Variants in PRKACB observed in about 807,000 individuals in gnomAD.
PRKACB encodes the protein protein kinase cAMP-activated catalytic subunit beta.
In PRKACB, 16 loss-of-function variants were observed where a neutral mutation model predicts 51.4. That is an observed-to-expected ratio of 0.31 (90% CI 0.21 to 0.47). The LOEUF (loss-of-function observed/expected upper bound fraction) is 0.47, where lower values mean the gene tolerates loss of function less well. Ranked by LOEUF, PRKACB falls within the 20% of genes least tolerant of loss-of-function variation. The probability of loss-of-function intolerance (pLI) is 1.00; values close to 1 mark genes in which losing one functional copy is unlikely to be tolerated. For synonymous variants in PRKACB, 147 were observed against 154.4 expected, an observed-to-expected ratio of 0.95 and a Z score of 0.35; for missense variants, 309 against 464.5, an observed-to-expected ratio of 0.67 and a Z score of 3.08.
At chr1:84,127,520 TTTAA>T (rs1485678565) in intron 1 of PRKACB, among the ~76,000 whole-genome samples, 1 of 152,218 alleles carries the variant, frequency 6.6e-6, no homozygotes, top group African/African-American at 2.4e-5. Context: ...TTACTAATAG[TTTAA>T]TTAGGTAAAC....
At chr1:84,135,228 T>G (rs1652679072) in intron 1 of PRKACB, among the ~76,000 whole-genome samples, 1 of 152,180 alleles carries the variant, frequency 6.6e-6, no homozygotes, top group African/African-American at 2.4e-5. Context: ...CCAAAAAGTC[T>G]TATCAATCCT....
At chr1:84,214,455 T>C in intron 9 of PRKACB, 138 bp downstream of exon 9, 1 of 846,448 alleles carries the variant, frequency 1.2e-6, no homozygotes, top group Admixed American at 3.7e-5. Context: ...CTAAAGTACT[T>C]TACAGCCCAT....
intron 1 of PRKACB, among the ~76,000 whole-genome samples, chr1:84,095,250 T>TTG (rs1648836703): frequency 6.6e-6 from 1 of 151,146 alleles, no homozygotes; most frequent in Non-Finnish European, 1.5e-5. Flanking sequence ...ATTTGCTGTT[T>TTG]TTTTTTTTTT....
chr1:84,156,562 T>C (rs1200325503), intron 1 of PRKACB, among the ~76,000 whole-genome samples: 1 of 152,218 alleles, frequency 6.6e-6, no homozygotes, highest in East Asian at 1.9e-4. Context: ...GAAGGTACTT[T>C]CAGCCCATCC....
chr1:84,213,186 G>A (rs1672384838), intron 8 of PRKACB, among the ~76,000 whole-genome samples: 1 of 152,132 alleles, frequency 6.6e-6, no homozygotes, highest in Non-Finnish European at 1.5e-5. Flanking sequence ...ACATATGTAT[G>A]TATGACAGGG....
intron 9 of PRKACB, among the ~76,000 whole-genome samples, chr1:84,228,516 A>AT (rs5775781): frequency 8.0e-5 from 12 of 150,542 alleles, no homozygotes; most frequent in East Asian, 3.9e-4. Context: ...GCAGATTATG[A>AT]TTTTTTTTTT....
intron 1 of PRKACB, among the ~76,000 whole-genome samples, chr1:84,103,189 T>G (rs890899709): frequency 6.6e-6 from 1 of 152,194 alleles, no homozygotes; most frequent in Non-Finnish European, 1.5e-5. Context: ...CTACAAATTC[T>G]TAACCACCCT....
chr1:84,210,223 G>C (rs115748700), intron 8 of PRKACB, among the ~76,000 whole-genome samples: 1,710 of 152,098 alleles, frequency 0.011, 41 homozygotes, highest in African/African-American at 0.039. Context: ...GTCTCTAATG[G>C]TTGGAAAACA....
intron 8 of PRKACB, among the ~76,000 whole-genome samples, chr1:84,203,094 A>G (rs1347983434): frequency 1.3e-5 from 2 of 152,058 alleles, no homozygotes; most frequent in Non-Finnish European, 2.9e-5. Context: ...TCAAATAAAT[A>G]AAAATAGTTT....
intron 8 of PRKACB, among the ~76,000 whole-genome samples, chr1:84,213,858 T>G (rs1672488209): frequency 6.6e-6 from 1 of 152,160 alleles, no homozygotes; most frequent in Non-Finnish European, 1.5e-5. Context: ...TTTCTGATAT[T>G]TTGCAAAAGT....
rs79148569 is a variant in PRKACB at position 84,101,429 on chromosome 1, C to T, written c.46+23058C>T. On this transcript the variant is annotated intron_variant, in intron 1 of 8. Transcript: ENST00000370688. ...GAATAACTAACGACTATACCCTAGC[C>T]AAGTTGACACATAAAAATGTCCTGT... is the stretch of plus-strand genomic sequence containing the variant. Among the ~76,000 whole-genome samples, 575 of 152,308 alleles carry T rather than the reference C, an allele frequency of 3.8e-3. 3 individuals are homozygous for T. Among genetic ancestry groups the T allele is most frequent in the African/African-American group, 0.013 (541 of 41,574 alleles).
At chr1:84,113,549 A>G (rs1335656549) in intron 1 of PRKACB, among the ~76,000 whole-genome samples, 1 of 152,198 alleles carries the variant, frequency 6.6e-6, no homozygotes, top group Non-Finnish European at 1.5e-5. Flanking sequence ...ACACTCCTCC[A>G]CACAATAATT....
At chr1:84,113,677 C>T (rs190781375) in intron 1 of PRKACB, among the ~76,000 whole-genome samples, 247 of 152,138 alleles carry the variant, frequency 1.6e-3, no homozygotes, top group Non-Finnish European at 2.7e-3. Context: ...TAAAAAAGAA[C>T]AAGGAATCAA....
chr1:84,201,282 A>G (rs1174295550), intron 7 of PRKACB, among the ~76,000 whole-genome samples: 1 of 152,044 alleles, frequency 6.6e-6, no homozygotes, highest in South Asian at 2.1e-4. Context: ...TTTAATTCTC[A>G]TGTTTTTTAT....
At chr1:84,126,630 A>G (rs990057344) in intron 1 of PRKACB, among the ~76,000 whole-genome samples, 3 of 152,104 alleles carry the variant, frequency 2.0e-5, no homozygotes, top group African/African-American at 7.2e-5. Context: ...CTCACTTTGG[A>G]CTGCAGGTCC....
At chr1:84,230,965 T>G (rs1675546236) in intron 9 of PRKACB, among the ~76,000 whole-genome samples, 1 of 143,292 alleles carries the variant, frequency 7.0e-6, no homozygotes, top group South Asian at 2.4e-4. Context: ...TCCAACACTA[T>G]GTTGAATAGG....
chr1:84,187,296 C>T (rs1665421899), intron 5 of PRKACB, among the ~76,000 whole-genome samples: 1 of 152,114 alleles, frequency 6.6e-6, no homozygotes, highest in African/African-American at 2.4e-5. Context: ...TAGCAGGTCT[C>T]ACCAGTACCT....
At chr1:84,180,398 T>G (rs995472630) in intron 2 of PRKACB, among the ~76,000 whole-genome samples, 1 of 150,830 alleles carries the variant, frequency 6.6e-6, no homozygotes, top group Non-Finnish European at 1.5e-5. Context: ...AATGATATAA[T>G]GGACTTTTGG....
chr1:84,214,098 C>A, intron 8 of PRKACB, 55 bp from the exon 9 acceptor site: 1 of 1,431,500 alleles, frequency 7.0e-7, no homozygotes, highest in Non-Finnish European at 9.2e-7. Context: ...GAAATCAAAA[C>A]AGAAATATCA....
Sources: allele counts gnomAD v4.1 joint callset (sites outside exome capture counted in the v4.1 genomes callset), GRCh38; gene constraint gnomAD v4.1.1; transcripts MANE v1.5; gene names NCBI Gene and HGNC (gene_info 2026-07-23, HGNC 2026-07-21).